The following IMMP2L variants were observed in gnomAD, a reference collection of about 807,000 sequenced individuals.
IMMP2L encodes the protein mitochondrial inner membrane protease subunit 2.
Under a neutral mutation model 19.3 loss-of-function variants are expected in IMMP2L, and 18 were observed. That is an observed-to-expected ratio of 0.93 (90% CI 0.64 to 1.38). The LOEUF is 1.38. IMMP2L is among the 40% of genes most tolerant of loss of function. The probability of loss-of-function intolerance (pLI) is 0.00; values close to 1 mark genes in which losing one functional copy is unlikely to be tolerated. For missense variants in IMMP2L, 233 were observed against 218.2 expected (o/e 1.07, Z -0.43); for synonymous variants, 76 against 73.0 (o/e 1.04, Z -0.21).
At chr7:110,829,396 T>C (rs1803769674) in intron 5 of IMMP2L, among the ~76,000 whole-genome samples, 1 of 152,216 alleles carries the variant, frequency 6.6e-6, no homozygotes, top group South Asian at 2.1e-4. Context: ...CATTTTGCTT[T>C]AGCTGTTAGT....
chr7:111,228,972 T>C (rs1813413401), intron 3 of IMMP2L, among the ~76,000 whole-genome samples: 1 of 120,904 alleles, frequency 8.3e-6, no homozygotes, highest in Non-Finnish European at 1.7e-5. Context: ...AATGCGTGTG[T>C]GTGTGTGTGT....
intron 3 of IMMP2L, among the ~76,000 whole-genome samples, chr7:111,179,344 C>G (rs1043825317): frequency 6.6e-6 from 1 of 152,064 alleles, no homozygotes; most frequent in Admixed American, 6.6e-5. Context: ...AACACAAATT[C>G]ATAAACTTTC....
intron 5 of IMMP2L, among the ~76,000 whole-genome samples, chr7:110,753,823 G>A (rs1011472591): frequency 9.2e-5 from 14 of 151,558 alleles, no homozygotes; most frequent in African/African-American, 2.7e-4. Flanking sequence ...CGGGAATATA[G>A]ACAGCGGAGG....
At chr7:111,249,635 A>G (rs533945204) in intron 3 of IMMP2L, among the ~76,000 whole-genome samples, 1 of 152,330 alleles carries the variant, frequency 6.6e-6, no homozygotes, top group African/African-American at 2.4e-5. Context: ...GTAATTCATC[A>G]CATAAACAGA....
chr7:111,088,686 C>A (rs1032399284), intron 3 of IMMP2L, among the ~76,000 whole-genome samples: 1 of 152,034 alleles, frequency 6.6e-6, no homozygotes, highest in African/African-American at 2.4e-5. Context: ...ATTCAAAAAC[C>A]CTAAAATCCT....
chr7:110,972,749 G>A (rs1220240746), intron 3 of IMMP2L, among the ~76,000 whole-genome samples: 4 of 152,072 alleles, frequency 2.6e-5, no homozygotes, highest in African/African-American at 9.7e-5. Context: ...TGAGTAGACA[G>A]AAAAACACAG....
At chr7:111,444,670 C>G (rs1838120667) in intron 3 of IMMP2L, among the ~76,000 whole-genome samples, 1 of 152,038 alleles carries the variant, frequency 6.6e-6, no homozygotes, top group Non-Finnish European at 1.5e-5. Flanking sequence ...TCCAGCCATA[C>G]AGACAAAATT....
chr7:111,103,302 T>G (rs897626134), intron 3 of IMMP2L, among the ~76,000 whole-genome samples: 1 of 151,622 alleles, frequency 6.6e-6, no homozygotes, highest in Non-Finnish European at 1.5e-5. Flanking sequence ...ACGTATACAT[T>G]TACACTTTCA....
At chr7:111,220,808 G>C (rs896424649) in intron 3 of IMMP2L, among the ~76,000 whole-genome samples, 1 of 151,998 alleles carries the variant, frequency 6.6e-6, no homozygotes, top group African/African-American at 2.4e-5. Flanking sequence ...CAATGGTATA[G>C]ATTCCAGTAT....
chr7:111,400,155 A>C (rs1833285893), intron 3 of IMMP2L, among the ~76,000 whole-genome samples: 1 of 152,028 alleles, frequency 6.6e-6, no homozygotes, highest in Non-Finnish European at 1.5e-5. Context: ...ACTAAACCAA[A>C]AGAATTTCAG....
At chr7:110,713,263 T>C (rs1473248043) in intron 5 of IMMP2L, among the ~76,000 whole-genome samples, 2 of 152,202 alleles carry the variant, frequency 1.3e-5, no homozygotes, top group Non-Finnish European at 2.9e-5. Context: ...GTTCCATTGG[T>C]CTACATGTCT....
intron 5 of IMMP2L, among the ~76,000 whole-genome samples, chr7:110,819,468 A>G (rs147159421): frequency 1.3e-5 from 2 of 152,148 alleles, no homozygotes; most frequent in East Asian, 1.9e-4. Context: ...TGTCTAATTA[A>G]AATAGGGTAT....
At chr7:110,702,934 A>G (rs1794387769) in intron 5 of IMMP2L, among the ~76,000 whole-genome samples, 1 of 152,122 alleles carries the variant, frequency 6.6e-6, no homozygotes, top group Non-Finnish European at 1.5e-5. Flanking sequence ...AACCTTCAGT[A>G]CAACACTGAA....
intron 5 of IMMP2L, among the ~76,000 whole-genome samples, chr7:110,764,139 G>T (rs1008218518): frequency 6.6e-6 from 1 of 152,036 alleles, no homozygotes. Flanking sequence ...AACAGAACTG[G>T]ATAACTACCT....
At chr7:111,281,156 C>CAAGAA (rs1447805877) in intron 3 of IMMP2L, among the ~76,000 whole-genome samples, 1 of 67,814 alleles carries the variant, frequency 1.5e-5, no homozygotes, top group Non-Finnish European at 2.7e-5. Context: ...GACAGAAAGA[C>CAAGAA]AGAAAGAAAG....
intron 3 of IMMP2L, among the ~76,000 whole-genome samples, chr7:111,271,926 A>G (rs1458776298): frequency 6.6e-6 from 1 of 152,028 alleles, no homozygotes; most frequent in East Asian, 1.9e-4. Context: ...CAACCTGTCT[A>G]CTTCATCTCT....
chr7:111,142,294 C>G (rs1586542930), intron 3 of IMMP2L, among the ~76,000 whole-genome samples: 1 of 144,590 alleles, frequency 6.9e-6, no homozygotes, highest in African/African-American at 2.7e-5. Flanking sequence ...CCACTGTGCT[C>G]CAGCCTGGGC....
At chr7:111,000,354 T>C (rs2129561176) in intron 3 of IMMP2L, among the ~76,000 whole-genome samples, 1 of 152,256 alleles carries the variant, frequency 6.6e-6, no homozygotes, top group East Asian at 1.9e-4. Context: ...ATCTTCTATA[T>C]TTACCCTCAA....
intron 4 of IMMP2L, among the ~76,000 whole-genome samples, chr7:110,929,636 T>C (rs1042764269): frequency 1.3e-5 from 2 of 152,180 alleles, no homozygotes; most frequent in African/African-American, 4.8e-5. Flanking sequence ...AAATCAAGAT[T>C]GACTTTTTGA....
Sources: allele counts gnomAD v4.1 joint callset (sites outside exome capture counted in the v4.1 genomes callset), GRCh38; gene constraint gnomAD v4.1.1; transcripts MANE v1.5; gene names NCBI Gene and HGNC (gene_info 2026-07-23, HGNC 2026-07-21).